Variants in EFNA3 observed in about 807,000 individuals in gnomAD.
EFNA3 encodes the protein ephrin A3, also known as ephrin-A3.
Under a neutral mutation model 25.0 loss-of-function variants are expected in EFNA3, and 15 were observed. That is an observed-to-expected ratio of 0.60 (90% CI 0.40 to 0.92). The LOEUF (loss-of-function observed/expected upper bound fraction) is 0.92, where lower values mean the gene tolerates loss of function less well. Among genes scored for constraint, EFNA3 ranks in the 40% least tolerant of loss-of-function variants. The pLI, the probability that EFNA3 is intolerant of heterozygous loss-of-function variation, is 0.00. For missense variants in EFNA3, 298 were observed against 323.8 expected (o/e 0.92, Z 0.61); for synonymous variants, 153 against 145.6 (o/e 1.05, Z -0.37).
Position 155,085,561 on chromosome 1 carries a change from G to A in EFNA3, c.442+157G>A. On this transcript the variant is annotated intron_variant, in intron 2 of 4. Transcript: ENST00000368408. This position sits in a 1 kb window ranked among gnomAD's most constrained non-coding sequence, Gnocchi z 4.4. ...GGCGTGGGCACGGGACGCCTGAGGGGTTCAGCTCAGACGAGGTCGTGGGGC... is the reference window on the plus strand; with the variant it reads ...GGCGTGGGCACGGGACGCCTGAGGGATTCAGCTCAGACGAGGTCGTGGGGC... 1.1e-6 allele frequency: 1 copy of A among 946,892 alleles called. No individual in the cohort carries two copies. The highest frequency in any genetic ancestry group is 1.5e-6 in the Non-Finnish European group (1 of 652,546). 58.7% of individuals were successfully genotyped at this position (946,892 alleles called of 1,614,324 possible).
intron 1 of EFNA3, among the ~76,000 whole-genome samples, chr1:155,082,711 G>A (rs1663365897): frequency 1.3e-5 from 2 of 152,214 alleles, no homozygotes; most frequent in Middle Eastern, 3.2e-3. Flanking sequence ...GGCACAACCC[G>A]GTCCCCAGGT....
rs1169822103 is a variant in EFNA3, at chr1:155,086,698, C to T, written c.*155C>T. On this transcript the variant is annotated 3_prime_UTR_variant, in exon 5 of 5. Transcript: ENST00000368408. ...ATACATCTGTGTCCGCCCCCTCTACCCCTTCCCCCCACGTAGGGCACTGTA... is the reference window on the plus strand; with the variant it reads ...ATACATCTGTGTCCGCCCCCTCTACTCCTTCCCCCCACGTAGGGCACTGTA... The T allele has an allele frequency of 2.2e-5, 20 of 926,720 alleles. No individual in the cohort carries two copies. The highest frequency in any genetic ancestry group is 3.3e-5 in the African/African-American group (2 of 59,854). The allele number at this position is 926,720 out of a possible 1,614,324, so 57.4% of individuals were successfully genotyped here. A position where few individuals can be genotyped will look rare whatever the true frequency, so the allele number is the denominator to read the frequency against.
Position 155,079,094 on chromosome 1 carries a change from G to A in EFNA3, c.128+25G>A, listed in dbSNP as rs762683179. ...AGTGAGTCGGGGACCCTGGGAGTCC[G>A]CGCGTCCCGTCTCAGTGAGAGGGGG... On this transcript the variant is annotated intron_variant, in intron 1 of 4. Coordinates refer to ENST00000368408, the MANE Select transcript of EFNA3 (RefSeq NM_004952.5). This position sits in a 1 kb window ranked among gnomAD's most constrained non-coding sequence, Gnocchi z 7.7. The A allele has an allele frequency of 1.2e-5, 16 of 1,305,100 alleles. No homozygotes were observed. Among genetic ancestry groups the A allele is most frequent in the Middle Eastern group, 2.1e-4 (1 of 4,720 alleles). The allele number at this position is 1,305,100 out of a possible 1,614,324, so 80.8% of individuals were successfully genotyped here. A position where few individuals can be genotyped will look rare whatever the true frequency, so the allele number is the denominator to read the frequency against.
At position 155,086,568 on chromosome 1, in the gene EFNA3, A is replaced by G. The variant is rs1204115836; in HGVS notation, c.*25A>G. 6.3e-7 allele frequency: 1 copy of G among 1,583,252 alleles called. No individual in the cohort carries two copies. The highest frequency in any genetic ancestry group is 1.5e-5 in the African/African-American group (1 of 66,920). ...GCTCTGCCCCCTCCCCTGGGGGGGG[A>G]GAGATGGGGCGGGGCTTGGAAGGAG... On this transcript the variant is annotated 3_prime_UTR_variant, in exon 5 of 5. Coordinates refer to ENST00000368408, the MANE Select transcript of EFNA3 (RefSeq NM_004952.5).
rs368892741 is a variant in EFNA3, at chr1:155,080,989, G to A, written c.128+1920G>A. Among the ~76,000 whole-genome samples, 2 of 152,160 alleles carry A rather than the reference G, an allele frequency of 1.3e-5. No individual in the cohort carries two copies. Among genetic ancestry groups the A allele is most frequent in the East Asian group, 3.9e-4 (2 of 5,182 alleles). ...AATGGAGAGGGCCGGGGAGCTGGGGGCGGGGCCGACCGAGCCACAGGCTCC... is the reference window on the plus strand; with the variant it reads ...AATGGAGAGGGCCGGGGAGCTGGGGACGGGGCCGACCGAGCCACAGGCTCC... On this transcript the variant is annotated intron_variant, in intron 1 of 4. Coordinates refer to ENST00000368408, the MANE Select transcript of EFNA3 (RefSeq NM_004952.5). This position sits in a 1 kb window ranked among gnomAD's most constrained non-coding sequence, Gnocchi z 7.0.
rs1179759810 is a variant in EFNA3, at chr1:155,079,261, C to CTA, written c.128+195_128+196dup. Among the ~76,000 whole-genome samples the CTA allele has an allele frequency of 2.0e-5, 3 of 152,018 alleles. No homozygotes were observed. Among genetic ancestry groups the CTA allele is most frequent in the African/African-American group, 7.3e-5 (3 of 41,362 alleles). ...GGGGGTGTCTGAAGAGGCTGTTGGG[C>CTA]TATAGTAAGGAGCGCTCGGGCCGTG... On this transcript the variant is annotated intron_variant, in intron 1 of 4. Transcript: ENST00000368408. This position sits in a 1 kb window ranked among gnomAD's most constrained non-coding sequence, Gnocchi z 7.7.
rs746650248 is a variant in EFNA3 at position 155,085,840 on chromosome 1, T to G, written c.443-37T>G. On this transcript the variant is annotated intron_variant, in intron 2 of 4. Transcript: ENST00000368408. The surrounding 1 kb of genome is among the most constrained non-coding windows in gnomAD (Gnocchi z 4.4). ...CGTCGAGGGAGGGCACAGGCACACA[T>G]TGGGCGAAAGTGACTCAGGCCCGGT... 2 of 1,609,312 alleles carry G rather than the reference T, an allele frequency of 1.2e-6. No homozygotes were observed. Among genetic ancestry groups the G allele is most frequent in the East Asian group, 4.5e-5 (2 of 44,672 alleles).
At chr1:155,083,635 C>G (rs773223395) in intron 1 of EFNA3, among the ~76,000 whole-genome samples, 1 of 152,184 alleles carries the variant, frequency 6.6e-6, no homozygotes, top group Admixed American at 6.5e-5. Context: ...GTGGAGGGGA[C>G]AGCACAAGCA....
rs372136346 is a variant in EFNA3 at position 155,085,839 on chromosome 1, A to T, written c.443-38A>T. 1.9e-6 allele frequency: 3 copies of T among 1,609,720 alleles called. No homozygotes were observed. Among genetic ancestry groups the T allele is most frequent in the South Asian group, 1.1e-5 (1 of 90,204 alleles). ...CCGTCGAGGGAGGGCACAGGCACAC[A>T]TTGGGCGAAAGTGACTCAGGCCCGG... On this transcript the variant is annotated intron_variant, in intron 2 of 4. Transcript: ENST00000368408. The surrounding 1 kb of genome is among the most constrained non-coding windows in gnomAD (Gnocchi z 4.4).
chr1:155,082,267 C>A (rs11264311), intron 1 of EFNA3, among the ~76,000 whole-genome samples: 74,075 of 152,132 alleles, frequency 0.49, 19,167 homozygotes, highest in East Asian at 0.89. Context: ...GGTCTACATT[C>A]GTCCTCCACC....
chr1:155,086,030 C>A, intron 3 of EFNA3, 88 bp downstream of exon 3: 1 of 1,571,760 alleles, frequency 6.4e-7, no homozygotes, highest in Non-Finnish European at 8.6e-7. Context: ...GGGCGGAGGG[C>A]ACAGGTGAGG....
At position 155,080,355 on chromosome 1, in the gene EFNA3, C is replaced by T. The variant is rs1406288398; in HGVS notation, c.128+1286C>T. 6.6e-6 allele frequency among the ~76,000 whole-genome samples: 1 copy of T among 152,152 alleles called. No homozygotes were observed. The highest frequency in any genetic ancestry group is 1.5e-5 in the Non-Finnish European group (1 of 68,008). On this transcript the variant is annotated intron_variant, in intron 1 of 4. Transcript: ENST00000368408. The surrounding 1 kb of genome is among the most constrained non-coding windows in gnomAD (Gnocchi z 7.0). ...CTCCCCCTCTCTCCCTCCTCGCGCC[C>T]GGAGTGTCAGACTGGGGGTGGGGAT...
chr1:155,083,548 G>T (rs1298245148), intron 1 of EFNA3, among the ~76,000 whole-genome samples: 1 of 152,242 alleles, frequency 6.6e-6, no homozygotes, highest in Non-Finnish European at 1.5e-5. Context: ...ACCAAAGGAG[G>T]CTGTGCCAAT....
At chr1:155,084,669 C>T (rs917310826) in intron 1 of EFNA3, among the ~76,000 whole-genome samples, 5 of 152,224 alleles carry the variant, frequency 3.3e-5, no homozygotes, top group African/African-American at 1.2e-4. Flanking sequence ...TGGCTTCCAT[C>T]CCTCCCATCC....
In EFNA3 at chr1:155,086,699, C is replaced by T. The variant is rs1020196569; in HGVS notation, c.*156C>T. 43 of 928,640 alleles carry T rather than the reference C, an allele frequency of 4.6e-5. No individual in the cohort carries two copies. Among genetic ancestry groups the T allele is most frequent in the African/African-American group, 8.3e-5 (5 of 59,926 alleles). 57.5% of individuals were successfully genotyped at this position (928,640 alleles called of 1,614,324 possible). On this transcript the variant is annotated 3_prime_UTR_variant, in exon 5 of 5. Coordinates refer to ENST00000368408, the MANE Select transcript of EFNA3 (RefSeq NM_004952.5). ...TACATCTGTGTCCGCCCCCTCTACCCCTTCCCCCCACGTAGGGCACTGTAG... is the reference window on the plus strand; with the variant it reads ...TACATCTGTGTCCGCCCCCTCTACCTCTTCCCCCCACGTAGGGCACTGTAG...
Position 155,078,948 on chromosome 1 carries a change from G to A in EFNA3, c.7G>A (p.Ala3Thr), listed in dbSNP as rs1429227334. The change falls in exon 1 of 5, where the codon GCG becomes ACG. Residue 3 changes from alanine (A) to threonine (T), a missense_variant. Transcript: ENST00000368408. Reference protein sequence around the residue: MAAAPLLLLLLLV... With the variant: MATAPLLLLLLLV... The stretch of plus-strand genomic sequence containing the variant: ...GGCGGCGGCGGCTCCGGGGATGGCG[G>A]CGGCTCCGCTGCTGCTGCTGCTGCT... The A allele has an allele frequency of 7.1e-7, 1 of 1,409,464 alleles. No homozygotes were observed. Among genetic ancestry groups the A allele is most frequent in the Non-Finnish European group, 9.2e-7 (1 of 1,081,428 alleles). The allele number at this position is 1,409,464 out of a possible 1,614,324, so 87.3% of individuals were successfully genotyped here.
At chr1:155,082,457 G>T (rs1045714919) in intron 1 of EFNA3, among the ~76,000 whole-genome samples, 1 of 152,158 alleles carries the variant, frequency 6.6e-6, no homozygotes, top group Non-Finnish European at 1.5e-5. Context: ...CGCTCCGCCC[G>T]CCTGCCCCCT....
In EFNA3 at chr1:155,079,066, A is replaced by C; in HGVS notation, c.125A>C (p.Gln42Pro). ...GCGGTGTACTGGAACAGCTCCAACC[A>C]GCAGTGAGTCGGGGACCCTGGGAGT... The part of the protein sequence containing the change: ...RHAVYWNSSN[Q>P]HLRREGYTVQ... Residue 42 changes from glutamine to proline, a missense_variant, in exon 1 of 5, where the codon CAG (glutamine) becomes CCG (proline). By Grantham distance (76) the Gln-to-Pro change is moderately conservative. Coordinates refer to ENST00000368408, the MANE Select transcript of EFNA3 (RefSeq NM_004952.5). This position sits in a 1 kb window ranked among gnomAD's most constrained non-coding sequence, Gnocchi z 7.7. The C allele has an allele frequency of 7.5e-7, 1 of 1,341,426 alleles. No homozygotes were observed. The highest frequency in any genetic ancestry group is 9.6e-7 in the Non-Finnish European group (1 of 1,039,578). 83.1% of individuals were successfully genotyped at this position (1,341,426 alleles called of 1,614,324 possible).
At position 155,085,008 on chromosome 1, in the gene EFNA3, G is replaced by T; in HGVS notation, c.129-83G>T. The T allele has an allele frequency of 1.3e-6, 2 of 1,491,096 alleles. No homozygotes were observed. Among genetic ancestry groups the T allele is most frequent in the South Asian group, 2.4e-5 (2 of 84,234 alleles). The allele number at this position is 1,491,096 out of a possible 1,614,324, so 92.4% of individuals were successfully genotyped here. On this transcript the variant is annotated intron_variant, in intron 1 of 4. Transcript: ENST00000368408. The surrounding 1 kb of genome is among the most constrained non-coding windows in gnomAD (Gnocchi z 4.4). Reference sequence around the variant, plus strand: ...AAAGTCGGAAGGCTACGCGGACCCTGGGGAGGGGCTGCGGAGCGGTCAGAT... The same window carrying T: ...AAAGTCGGAAGGCTACGCGGACCCTTGGGAGGGGCTGCGGAGCGGTCAGAT...
Sources: gnomAD v4.1 joint callset for allele counts (sites outside exome capture counted in the v4.1 genomes callset) on GRCh38, gnomAD v4.1.1 for gene constraint, Gnocchi (gnomAD v3.1) non-coding constraint, MANE v1.5 for transcripts, NCBI Gene and HGNC (gene_info 2026-07-23, HGNC 2026-07-21) for gene names.